ZMYM4: variants seen among roughly 807,000 people sequenced by gnomAD.
ZMYM4 encodes zinc finger MYM-type protein 4.
A neutral mutation model predicts 183.2 loss-of-function variants in ZMYM4; 31 were observed. The ratio of observed to expected loss-of-function variants is 0.17; its 90% CI spans 0.13 to 0.23. The LOEUF is 0.23. Among genes scored for constraint, ZMYM4 ranks in the 10% least tolerant of loss-of-function variants. The pLI is 1.00. For missense variants in ZMYM4, 1,273 were observed against 1,840.3 expected, an observed-to-expected ratio of 0.69 and a Z score of 5.64; for synonymous variants, 592 against 631.2, an observed-to-expected ratio of 0.94 and a Z score of 0.93.
Position 35,399,566 on chromosome 1 carries a change from C to G in ZMYM4, c.3518C>G (p.Pro1173Arg). 1 of 1,614,110 alleles carries G rather than the reference C, an allele frequency of 6.2e-7. No individual in the cohort carries two copies. Among genetic ancestry groups the G allele is most frequent in the Non-Finnish European group, 8.5e-7 (1 of 1,179,996 alleles). The change falls in exon 23 of 30, where the codon CCC becomes CGC. Residue 1173 changes from proline (P) to arginine (R), a missense_variant. By Grantham distance (103) the Pro-to-Arg change is moderately radical. Coordinates refer to ENST00000314607, the MANE Select transcript of ZMYM4 (RefSeq NM_005095.3). ...CGACACAGAGATGGCTTCCCCCAAC[C>G]CAGACGAAGAGTAAGCTGCAGCTTA... ...RRRHRDGFPQ[P>R]RRRGRKKSIV... is the part of the protein sequence containing the mutation.
chr1:35,385,129 G>C (rs1417070628), intron 9 of ZMYM4, among the ~76,000 whole-genome samples: 1 of 152,150 alleles, frequency 6.6e-6, no homozygotes, highest in African/African-American at 2.4e-5. Flanking sequence ...ATAGGGGTGA[G>C]CCACTACGCC....
chr1:35,333,604 G>A (rs1312798646), intron 2 of ZMYM4, among the ~76,000 whole-genome samples: 1 of 151,786 alleles, frequency 6.6e-6, no homozygotes, highest in Non-Finnish European at 1.5e-5. Flanking sequence ...CTGTTGGCTT[G>A]GCCTCACCTT....
chr1:35,399,181 A>C (rs1373553266), intron 22 of ZMYM4, 138 bp downstream of exon 22: 10 of 938,970 alleles, frequency 1.1e-5, no homozygotes, highest in Non-Finnish European at 1.6e-5. Context: ...TCTAGAGCAC[A>C]AATAGACCCT....
chr1:35,384,424 A>T lies in ZMYM4; in HGVS notation c.1570-1018A>T, dbSNP rs570302779. The stretch of plus-strand genomic sequence containing the variant: ...GGAAGATTGCTCTTAAAATCTCCTA[A>T]TTGGTGCTGGACGTACTTTAAAAAT... On this transcript the variant is annotated intron_variant, in intron 9 of 29. Transcript: ENST00000314607. Among the ~76,000 whole-genome samples, 7 of 152,338 alleles carry T rather than the reference A, an allele frequency of 4.6e-5. No homozygotes were observed. In the East Asian group the frequency reaches 1.4e-3, roughly 29 times the overall value.
intron 11 of ZMYM4, 81 bp downstream of exon 11, chr1:35,386,270 A>G (rs1225944225): frequency 1.0e-6 from 1 of 982,348 alleles, no homozygotes; most frequent in East Asian, 2.5e-5. Context: ...CTCTAAAGAA[A>G]TACCCTAGAC....
chr1:35,288,012 CTCTA>C (rs1325941743), intron 1 of ZMYM4, among the ~76,000 whole-genome samples: 1 of 152,202 alleles, frequency 6.6e-6, no homozygotes, highest in East Asian at 1.9e-4. Flanking sequence ...CACATATTAT[CTCTA>C]TTAGTTACTG....
At chr1:35,326,967 C>G (rs1642530123) in intron 2 of ZMYM4, among the ~76,000 whole-genome samples, 1 of 152,128 alleles carries the variant, frequency 6.6e-6, no homozygotes, top group Non-Finnish European at 1.5e-5. Flanking sequence ...TCAAGTGATT[C>G]TCCTGTGTCA....
rs766592913 is a variant in ZMYM4 at position 35,358,995 on chromosome 1, G to A, written c.156G>A (p.Met52Ile). ...ACTTAACTCCTACCCTTGACAGCATGTCTTATGGAATGCCGAATCAAACAG... is the reference window on the plus strand; with the variant it reads ...ACTTAACTCCTACCCTTGACAGCATATCTTATGGAATGCCGAATCAAACAG... ...DHNLTPTLDS[M>I]SYGMPNQTGS... is the part of the protein sequence containing the mutation. The change falls in exon 3 of 30, where the codon ATG becomes ATA. Residue 52 changes from methionine to isoleucine, a missense_variant. Coordinates refer to ENST00000314607, the MANE Select transcript of ZMYM4 (RefSeq NM_005095.3). The A allele has an allele frequency of 1.9e-6, 3 of 1,613,754 alleles. No homozygotes were observed. The South Asian group carries it at 3.3e-5, about 18-fold the overall frequency.
Position 35,370,685 on chromosome 1 carries a change from G to A in ZMYM4, c.1181+58G>A, listed in dbSNP as rs1480189350. On this transcript the variant is annotated intron_variant, in intron 7 of 29. Transcript: ENST00000314607. ...TCTTTCCTTTCTCTTAACATACTTT[G>A]TTCTTAGGTCATGTATTACATTTGA... 22 of 903,112 alleles carry A rather than the reference G, an allele frequency of 2.4e-5. No homozygotes were observed. In the South Asian group the frequency reaches 4.1e-4, roughly 17 times the overall value. 55.9% of individuals were successfully genotyped at this position (903,112 alleles called of 1,614,324 possible). A position where few individuals can be genotyped will look rare whatever the true frequency, so the allele number is the denominator to read the frequency against.
chr1:35,405,171 A>G lies in ZMYM4; in HGVS notation c.3677A>G (p.Glu1226Gly). ...GTTCAGTGGAAAAATGCCAAGGAAG[A>G]GCAGGGGGATCTAAAATGTGGAGGT... ...NWVQWKNAKE[E>G]QGDLKCGGVE... Residue 1226 changes from glutamate to glycine, a missense_variant, in exon 24 of 30, where the codon GAG becomes GGG. Physicochemically the swap from Glu to Gly is moderately conservative, Grantham distance 98 (BLOSUM62 -2). This residue lies in a region of ZMYM4 where 133 missense variants were observed against 155.7 expected (regional missense o/e 0.85). Transcript: ENST00000314607. The G allele has an allele frequency of 6.2e-7, 1 of 1,614,054 alleles. No individual in the cohort carries two copies. Among genetic ancestry groups the G allele is most frequent in the Non-Finnish European group, 8.5e-7 (1 of 1,179,966 alleles).
intron 1 of ZMYM4, among the ~76,000 whole-genome samples, chr1:35,319,024 G>T (rs1642173470): frequency 6.6e-6 from 1 of 152,084 alleles, no homozygotes; most frequent in Non-Finnish European, 1.5e-5. Context: ...GGGATTACAG[G>T]CATGGGCCAT....
chr1:35,403,124 T>A (rs1644941462), intron 23 of ZMYM4, among the ~76,000 whole-genome samples: 2 of 152,190 alleles, frequency 1.3e-5, no homozygotes, highest in African/African-American at 4.8e-5. Flanking sequence ...TCTTTTGAGG[T>A]GATTATCTGG....
At chr1:35,334,142 T>TC (rs1193514508) in intron 2 of ZMYM4, among the ~76,000 whole-genome samples, 1 of 151,312 alleles carries the variant, frequency 6.6e-6, no homozygotes, top group African/African-American at 2.4e-5. Context: ...ATGGCGAAAC[T>TC]CCATCTCTAC....
chr1:35,344,400 A>G (rs2148867736), intron 2 of ZMYM4, among the ~76,000 whole-genome samples: 1 of 152,032 alleles, frequency 6.6e-6, no homozygotes, highest in South Asian at 2.1e-4. Context: ...GAGAGGAGAG[A>G]TTTTTAACTG....
rs575899756 is a variant in ZMYM4, at chr1:35,318,093, C to CT, written c.40-7266dup. Among the ~76,000 whole-genome samples the CT allele has an allele frequency of 2.4e-3, 323 of 133,262 alleles. 1 individual carries two copies. The highest frequency in any genetic ancestry group is 9.2e-3 in the African/African-American group (308 of 33,632). The allele number at this position is 133,262 out of a possible 152,430, so 87.4% of individuals were successfully genotyped here. A position where few individuals can be genotyped will look rare whatever the true frequency, so the allele number is the denominator to read the frequency against. ...TTTTTTTTTGAGACAGAGTCTCACT[C>CT]TATCACCCAGACTGGAGTACAGTTG... On this transcript the variant is annotated intron_variant, in intron 1 of 29. Transcript: ENST00000314607.
chr1:35,386,734 C>T (rs1055243513), intron 11 of ZMYM4, among the ~76,000 whole-genome samples: 9 of 152,106 alleles, frequency 5.9e-5, no homozygotes, highest in African/African-American at 2.2e-4. Context: ...ATTTAACTGC[C>T]TTCTATAAAA....
At chr1:35,303,399 A>G (rs1641381727) in intron 1 of ZMYM4, among the ~76,000 whole-genome samples, 1 of 151,770 alleles carries the variant, frequency 6.6e-6, no homozygotes, top group African/African-American at 2.4e-5. Context: ...GATATTGGCA[A>G]TTTGTGTTTT....
At chr1:35,316,915 A>C (rs1329181815) in intron 1 of ZMYM4, among the ~76,000 whole-genome samples, 39 of 151,548 alleles carry the variant, frequency 2.6e-4, no homozygotes, top group Non-Finnish European at 5.7e-4. Context: ...TGAGGTCAGG[A>C]GTTTGTGACC....
chr1:35,409,415 C>T (rs899584445), intron 26 of ZMYM4, among the ~76,000 whole-genome samples: 13 of 152,158 alleles, frequency 8.5e-5, no homozygotes, highest in African/African-American at 3.1e-4. Context: ...ATTCCAGTAT[C>T]TCCACATTCT....
Sources: gnomAD v4.1 joint callset for allele counts (sites outside exome capture counted in the v4.1 genomes callset) on GRCh38, gnomAD v4.1.1 for gene constraint, gnomAD v4.1.1 regional missense constraint, MANE v1.5 for transcripts, NCBI Gene and HGNC (gene_info 2026-07-23, HGNC 2026-07-21) for gene names.